GNE: variants seen among roughly 807,000 people sequenced by gnomAD.
The protein encoded by GNE is bifunctional UDP-N-acetylglucosamine 2-epimerase/N-acetylmannosamine kinase.
In GNE, 41 loss-of-function variants were observed where a neutral mutation model predicts 61.8. The ratio of observed to expected loss-of-function variants is 0.66; its 90% CI spans 0.52 to 0.86. GNE has a LOEUF of 0.86. GNE is among the 40% of genes least tolerant of loss of function. The probability of loss-of-function intolerance (pLI) is 0.00; values close to 1 mark genes in which losing one functional copy is unlikely to be tolerated. For missense variants in GNE, 608 were observed against 909.1 expected (o/e 0.67, Z 4.26); for synonymous variants, 264 against 326.4 (o/e 0.81, Z 2.06).
In GNE at chr9:36,241,273, G is replaced by A. The variant is rs142425631; in HGVS notation, c.617-4289C>T. On this transcript the variant is annotated intron_variant, in intron 3 of 11. Transcript: ENST00000642385. ...TGGGACTACAGGCCTATGCCACTAC[G>A]CCTAGCTAATCTTTGTATTTTTTAG... is the stretch of plus-strand genomic sequence containing the variant. 7.9e-5 allele frequency among the ~76,000 whole-genome samples: 12 copies of A among 152,088 alleles called. 1 individual carries two copies. The South Asian group carries it at 1.5e-3, about 18-fold the overall frequency.
intron 7 of GNE, among the ~76,000 whole-genome samples, chr9:36,223,860 T>G (rs1470137283): frequency 6.6e-6 from 1 of 151,794 alleles, no homozygotes; most frequent in Non-Finnish European, 1.5e-5. Flanking sequence ...CAGGCGATTC[T>G]CCTTCCTCAG....
chr9:36,231,066 T>TAAAAAAAAAAAAA (rs529903965), intron 5 of GNE, among the ~76,000 whole-genome samples: 12 of 68,362 alleles, frequency 1.8e-4, no homozygotes, highest in African/African-American at 5.0e-4. Context: ...ACTGCTTCAC[T>TAAAAAAAAAAAAA]AAAAAAAAAA....
In GNE at chr9:36,218,464, T is replaced by C. The variant is rs1302232181; in HGVS notation, c.1817-165A>G. ...ATCTCTATACACTGCCCCTAAAGCC[T>C]TTGCTACCCTCTTGCTAATTGGTTG... On this transcript the variant is annotated intron_variant, in intron 10 of 11. Transcript: ENST00000642385. This position sits in a 1 kb window ranked among gnomAD's most constrained non-coding sequence, Gnocchi z 4.1. Among the ~76,000 whole-genome samples, 1 of 152,160 alleles carries C rather than the reference T, an allele frequency of 6.6e-6. No homozygotes were observed. The highest frequency in any genetic ancestry group is 6.5e-5 in the Admixed American group (1 of 15,270).
At chr9:36,227,037 T>C (rs570862537) in intron 7 of GNE, among the ~76,000 whole-genome samples, 1 of 152,314 alleles carries the variant, frequency 6.6e-6, no homozygotes, top group Admixed American at 6.5e-5. Context: ...GTCTACCGTC[T>C]TGGATTCCCA....
At chr9:36,265,295 G>C in intron 1 of GNE, 1 of 431,588 alleles carries the variant, frequency 2.3e-6, no homozygotes, top group Non-Finnish European at 4.7e-6. Flanking sequence ...AATCCGTGGG[G>C]CCAAGAACCC....
chr9:36,228,560 A>C (rs1828996648), intron 6 of GNE, among the ~76,000 whole-genome samples: 1 of 152,096 alleles, frequency 6.6e-6, no homozygotes, highest in African/African-American at 2.4e-5. Context: ...TGGGAGGCTG[A>C]GGCAGGCGGA....
intron 2 of GNE, among the ~76,000 whole-genome samples, chr9:36,247,339 G>A (rs1234058855): frequency 6.6e-6 from 1 of 152,162 alleles, no homozygotes; most frequent in Non-Finnish European, 1.5e-5. Context: ...ACAGGTGTGA[G>A]CCACCGTGCC....
chr9:36,215,455 T>C lies in GNE; in HGVS notation c.*1910A>G, dbSNP rs1828230877. 3 of 152,236 alleles carry C rather than the reference T, an allele frequency of 2.0e-5. No homozygotes were observed. Among genetic ancestry groups the C allele is most frequent in the Non-Finnish European group, 4.4e-5 (3 of 68,034 alleles). 9.4% of individuals were successfully genotyped at this position (152,236 alleles called of 1,614,324 possible). A position where few individuals can be genotyped will look rare whatever the true frequency, so the allele number is the denominator to read the frequency against. ...AATCAGATATTAGTATTAAAGTTTT[T>C]GGTGGCCTAGAGTGAATTAGAATAT... On this transcript the variant is annotated 3_prime_UTR_variant, in exon 12 of 12. Coordinates refer to ENST00000642385, the MANE Select transcript of GNE (RefSeq NM_005476.7).
At chr9:36,263,556 C>T (rs188410886) in intron 1 of GNE, 4 of 150,214 alleles carry the variant, frequency 2.7e-5, no homozygotes, top group Non-Finnish European at 4.4e-5. Context: ...GAATGGCTCA[C>T]ATCAAGGTCT....
Position 36,217,297 on chromosome 9 carries a change from T to C in GNE, c.*68A>G. 1 of 1,023,064 alleles carries C rather than the reference T, an allele frequency of 9.8e-7. No individual in the cohort carries two copies. The highest frequency in any genetic ancestry group is 1.5e-6 in the Non-Finnish European group (1 of 660,234). The allele number at this position is 1,023,064 out of a possible 1,614,324, so 63.4% of individuals were successfully genotyped here. On this transcript the variant is annotated 3_prime_UTR_variant, in exon 12 of 12. Transcript: ENST00000642385. ...AGATTTGATTGTTAAGAAACGGTCA[T>C]CCTAAAGACAAGAACTTGATTCCAC... is the stretch of plus-strand genomic sequence containing the variant.
At chr9:36,223,086 C>T in intron 8 of GNE, 88 bp from the exon 9 acceptor site, 3 of 1,224,324 alleles carry the variant, frequency 2.5e-6, no homozygotes, top group South Asian at 1.2e-5. Context: ...AACACAGATT[C>T]ATTCACCCCA....
Position 36,219,830 on chromosome 9 carries a change from A to C in GNE, c.1816+8T>G, listed in dbSNP as rs1828502311. 1 of 1,612,722 alleles carries C rather than the reference A, an allele frequency of 6.2e-7. No homozygotes were observed. ...GGTTACTTAATTCCTCGAGAGAGGG[A>C]CACCAACCATCATGGAGCTTTTTTG... On this transcript the variant is annotated splice_region_variant and intron_variant, in intron 10 of 11. Coordinates refer to ENST00000642385, the MANE Select transcript of GNE (RefSeq NM_005476.7).
chr9:36,239,259 C>A (rs1488514399), intron 3 of GNE, among the ~76,000 whole-genome samples: 1 of 151,716 alleles, frequency 6.6e-6, no homozygotes, highest in African/African-American at 2.4e-5. Flanking sequence ...TTTTTTAATT[C>A]TGTGAAGAAT....
chr9:36,266,584 G>C (rs1273866134), intron 1 of GNE, among the ~76,000 whole-genome samples: 1 of 151,832 alleles, frequency 6.6e-6, no homozygotes, highest in African/African-American at 2.4e-5. Flanking sequence ...GACCAGCCTG[G>C]TCAACACGGT....
At chr9:36,230,056 C>T (rs1025382308) in intron 5 of GNE, among the ~76,000 whole-genome samples, 5 of 152,120 alleles carry the variant, frequency 3.3e-5, no homozygotes, top group Non-Finnish European at 7.3e-5. Flanking sequence ...AAACGATTCT[C>T]CTGCCTCAGC....
intron 4 of GNE, among the ~76,000 whole-genome samples, chr9:36,235,165 T>G (rs974793677): frequency 6.6e-5 from 10 of 152,160 alleles, no homozygotes. Context: ...CTCAAAAAGT[T>G]TGAGATTTTG....
Position 36,275,403 on chromosome 9 carries a change from G to T in GNE, c.51+1491C>A, listed in dbSNP as rs576605307. On this transcript the variant is annotated intron_variant, in intron 1 of 11. Coordinates refer to the GNE transcript ENST00000396594. ...GGGCATGAGAATAGCATACAGGGGA[G>T]ACCAGCCTGACAGGAGAAAGGTTTT... Among the ~76,000 whole-genome samples, 72 of 152,268 alleles carry T rather than the reference G, an allele frequency of 4.7e-4. 1 individual carries two copies. In the South Asian group the frequency reaches 0.014, roughly 30 times the overall value.
At chr9:36,266,898 CAA>C (rs71336437) in intron 1 of GNE, among the ~76,000 whole-genome samples, 1 of 140,794 alleles carries the variant, frequency 7.1e-6, no homozygotes. Context: ...GACTCCGTCT[CAA>C]AAAAAAAAAA....
At chr9:36,244,246 G>A (rs4563970) in intron 3 of GNE, among the ~76,000 whole-genome samples, 113,290 of 151,956 alleles carry the variant, frequency 0.75, 42,716 homozygotes, top group Non-Finnish European at 0.8. Context: ...ATTACAGGGT[G>A]AGCCACCATA....
Sources: allele counts gnomAD v4.1 joint callset (sites outside exome capture counted in the v4.1 genomes callset), GRCh38; gene constraint gnomAD v4.1.1; non-coding constraint Gnocchi (gnomAD v3.1); transcripts MANE v1.5; gene names NCBI Gene and HGNC (gene_info 2026-07-23, HGNC 2026-07-21).